Variants in MRNIP observed in about 807,000 individuals in gnomAD.
MRNIP encodes MRN complex interacting protein, also known as MRN complex-interacting protein.
In MRNIP, 30 loss-of-function variants were observed where a neutral mutation model predicts 29.8. The ratio of observed to expected loss-of-function variants is 1.01; its 90% CI spans 0.75 to 1.36. MRNIP has a LOEUF of 1.36. Ranked by LOEUF, MRNIP falls within the 40% of genes most tolerant of loss-of-function variation. The pLI, the probability that MRNIP is intolerant of heterozygous loss-of-function variation, is 0.00. For synonymous variants in MRNIP, 201 were observed against 164.1 expected (o/e 1.23, Z -1.72); for missense variants, 459 against 423.5 (o/e 1.08, Z -0.74).
intron 3 of MRNIP, among the ~76,000 whole-genome samples, chr5:179,844,873 C>T (rs1236496967): frequency 6.6e-6 from 1 of 152,198 alleles, no homozygotes; most frequent in Non-Finnish European, 1.5e-5. Context: ...GGATTTTCTA[C>T]ATACACAATC....
In MRNIP at chr5:179,853,400, C is replaced by T; in HGVS notation, c.104G>A (p.Gly35Glu). 6.2e-7 allele frequency: 1 copy of T among 1,613,194 alleles called. No homozygotes were observed. Among genetic ancestry groups the T allele is most frequent in the East Asian group, 2.2e-5 (1 of 44,878 alleles). Residue 35 changes from glycine to glutamate, a missense_variant, in exon 2 of 7, where the codon GGA (glycine) becomes GAA (glutamate). Physicochemically the swap from Gly to Glu is moderately conservative, Grantham distance 98. Transcript: ENST00000292586. ...CACCTGCAAAAAGGACTGCTTCTCT[C>T]CACAAGCTTTGCATGTCCACTTGAC... is the stretch of plus-strand genomic sequence containing the variant. ...KSVKWTCKAC[G>E]EKQSFLQAYG...
intron 2 of MRNIP, among the ~76,000 whole-genome samples, chr5:179,849,577 T>A (rs1274891851): frequency 6.7e-6 from 1 of 149,674 alleles, no homozygotes; most frequent in Admixed American, 6.7e-5. Context: ...TGGGTCCTGC[T>A]ATGGCACAGG....
chr5:179,853,719 C>T (rs569845959), intron 1 of MRNIP, among the ~76,000 whole-genome samples: 1 of 151,014 alleles, frequency 6.6e-6, no homozygotes, highest in Non-Finnish European at 1.5e-5. Context: ...TTGCAGTGAG[C>T]CAAGATTGCA....
intron 5 of MRNIP, 98 bp downstream of exon 5, chr5:179,841,809 C>T (rs1758889874): frequency 4.5e-6 from 6 of 1,330,390 alleles, no homozygotes; most frequent in Non-Finnish European, 4.2e-6. Context: ...ACCTAGGCTT[C>T]CCGCGCTTGG....
At chr5:179,858,188 G>C (rs1426415564) in intron 1 of MRNIP, among the ~76,000 whole-genome samples, 5 of 122,170 alleles carry the variant, frequency 4.1e-5, no homozygotes, top group African/African-American at 1.3e-4. Context: ...TCTCTATCTG[G>C]CACGCTGAAA....
rs753602551 is a variant in MRNIP at position 179,837,463 on chromosome 5, C to T, written c.960G>A (p.Glu320=). The T allele has an allele frequency of 2.5e-6, 4 of 1,613,354 alleles. No individual in the cohort carries two copies. The part of the protein sequence containing the change: ...PWAEGGPLVL[E]AQNPRPTRLC... ...GTCGTGTGGGTCGAGGATTCTGTGC[C>T]TCCAGGACCAGGGGCCCACCCTCTG... Residue 320 remains glutamate (E), a synonymous_variant, in exon 7 of 7, where the codon GAG becomes GAA. Transcript: ENST00000292586.
chr5:179,849,145 T>G lies in MRNIP; in HGVS notation c.127-1079A>C, dbSNP rs536309978. ...GTCCTGCTATGGCACAGGCAGATGG[T>G]ACAAGACGGAATTTGAGAGTACGGG... On this transcript the variant is annotated intron_variant, in intron 2 of 6. Coordinates refer to ENST00000292586, the MANE Select transcript of MRNIP (RefSeq NM_016175.4). Among the ~76,000 whole-genome samples the G allele has an allele frequency of 4.2e-4, 62 of 147,692 alleles. 1 individual carries two copies. The highest frequency in any genetic ancestry group is 9.5e-4 in the Admixed American group (14 of 14,744).
At chr5:179,854,510 C>T (rs56844432) in intron 1 of MRNIP, among the ~76,000 whole-genome samples, 5,045 of 152,212 alleles carry the variant, frequency 0.033, 276 homozygotes, top group African/African-American at 0.12. Flanking sequence ...TTGGGCTGGG[C>T]ACAGTGGCTT....
chr5:179,841,180 C>T lies in MRNIP; in HGVS notation c.450-221G>A, dbSNP rs1758868305. The stretch of plus-strand genomic sequence containing the variant: ...TGTTTTTATTTCAGTCAGGGTCTCA[C>T]CGGCACCCAGGCTGGAGTGCAATGG... On this transcript the variant is annotated intron_variant, in intron 5 of 6. Transcript: ENST00000292586. The T allele has an allele frequency of 9.0e-6, 5 of 552,800 alleles. No homozygotes were observed. The Admixed American group carries it at 1.6e-4, about 18-fold the overall frequency. The allele number at this position is 552,800 out of a possible 1,614,324, so 34.2% of individuals were successfully genotyped here. A position where few individuals can be genotyped will look rare whatever the true frequency, so the allele number is the denominator to read the frequency against.
intron 3 of MRNIP, chr5:179,844,468 G>A (rs188921841): frequency 5.1e-4 from 228 of 447,930 alleles, no homozygotes; most frequent in African/African-American, 4.4e-3. Context: ...ATTGCTGGAA[G>A]ATGGAATCAC....
At chr5:179,847,237 G>C (rs545407307) in intron 3 of MRNIP, 1 of 132,274 alleles carries the variant, frequency 7.6e-6, no homozygotes, top group Non-Finnish European at 1.5e-5. Flanking sequence ...GCGCGATCTC[G>C]GCTCACTGCA....
At position 179,857,423 on chromosome 5, in the gene MRNIP, T is replaced by G. The variant is rs528105140; in HGVS notation, c.66+1308A>C. Reference sequence around the variant, plus strand: ...TTGCAGTGAGCCGAGATCACGCTACTGCACTCCAGCCTGGCGACAGAGTGA... The same window carrying G: ...TTGCAGTGAGCCGAGATCACGCTACGGCACTCCAGCCTGGCGACAGAGTGA... On this transcript the variant is annotated intron_variant, in intron 1 of 6. Transcript: ENST00000292586. 2.6e-5 allele frequency among the ~76,000 whole-genome samples: 4 copies of G among 152,054 alleles called. No homozygotes were observed. The East Asian group carries it at 5.8e-4, about 22-fold the overall frequency.
intron 6 of MRNIP, chr5:179,838,671 T>A (rs1758730822): frequency 6.7e-6 from 1 of 148,896 alleles, no homozygotes; most frequent in Non-Finnish European, 1.5e-5. Context: ...GCGAACTCTG[T>A]CTCAAAAAAA....
chr5:179,840,644 T>C, intron 6 of MRNIP: 1 of 587,072 alleles, frequency 1.7e-6, no homozygotes. Flanking sequence ...GTCACAATGC[T>C]CTTTGGTCCT....
rs769996393 is a variant in MRNIP at position 179,848,093 on chromosome 5, T to C, written c.127-27A>G. The C allele has an allele frequency of 1.7e-5, 26 of 1,540,772 alleles. No individual in the cohort carries two copies. The South Asian group carries it at 2.7e-4, about 16-fold the overall frequency. On this transcript the variant is annotated intron_variant, in intron 2 of 6. Transcript: ENST00000292586. The stretch of plus-strand genomic sequence containing the variant: ...TGAGAAACCAAAAAATATATTACAT[T>C]GAAAAAGTGCTGGCAGAATGCTGAG...
chr5:179,841,111 G>A, intron 5 of MRNIP, 152 bp from the exon 6 acceptor site: 1 of 601,980 alleles, frequency 1.7e-6, no homozygotes, highest in South Asian at 2.0e-5. Flanking sequence ...CCACCGCCCA[G>A]GCCCCACTCC....
Position 179,858,781 on chromosome 5 carries a change from G to T in MRNIP, c.16C>A (p.Arg6Ser). The T allele has an allele frequency of 6.5e-7, 1 of 1,540,862 alleles. No homozygotes were observed. Residue 6 changes from arginine (R) to serine (S), a missense_variant, in exon 1 of 7, where the codon CGT becomes AGT. Arg to Ser is a moderately radical substitution (Grantham distance 110). Transcript: ENST00000292586. ...CTGCAGCAGCGTAGCACCCGAGAAC[G>T]CTGAAGCGACGCCATCCCTGCTTGT... MASLQRSRVLRCCSCR... is the reference protein window; with the variant it reads MASLQSSRVLRCCSCR...
At position 179,837,604 on chromosome 5, in the gene MRNIP, T is replaced by C. The variant is rs998221866; in HGVS notation, c.819A>G (p.Arg273=). 1 of 1,613,940 alleles carries C rather than the reference T, an allele frequency of 6.2e-7. No homozygotes were observed. The highest frequency in any genetic ancestry group is 8.5e-7 in the Non-Finnish European group (1 of 1,179,946). Residue 273 remains arginine (R), a synonymous_variant, in exon 7 of 7, where the codon AGA becomes AGG. Coordinates refer to ENST00000292586, the MANE Select transcript of MRNIP (RefSeq NM_016175.4). The part of the protein sequence containing the change: ...KQGTPRAQAS[R]EGLSRPTAAV... ...CGGCAGTGGGCCTGCTGAGGCCTTC[T>C]CTTGAGGCCTGTGCTCTGGGGGTCC...
At chr5:179,847,874 A>G in intron 3 of MRNIP, 104 bp downstream of exon 3, 1 of 807,580 alleles carries the variant, frequency 1.2e-6, no homozygotes, top group Non-Finnish European at 2.0e-6. Flanking sequence ...GGGCAGGTCC[A>G]GCCACAGCAG....
Sources: allele counts gnomAD v4.1 joint callset (sites outside exome capture counted in the v4.1 genomes callset), GRCh38; gene constraint gnomAD v4.1.1; transcripts MANE v1.5; gene names NCBI Gene and HGNC (gene_info 2026-07-23, HGNC 2026-07-21).